The following DMBT1 variants were observed in gnomAD, a reference collection of about 807,000 sequenced individuals.
The protein encoded by DMBT1 is deleted in malignant brain tumors 1, also known as scavenger receptor cysteine-rich domain-containing protein DMBT1.
In DMBT1, 198 loss-of-function variants were observed where a neutral mutation model predicts 252.9. That is an observed-to-expected ratio of 0.78 (90% CI 0.70 to 0.88). The LOEUF (loss-of-function observed/expected upper bound fraction) is 0.88. Among genes scored for constraint, DMBT1 ranks in the 40% least tolerant of loss-of-function variants. The pLI is 0.00. For synonymous variants in DMBT1, 990 were observed against 942.7 expected, an observed-to-expected ratio of 1.05 and a Z score of -0.92; for missense variants, 2,432 against 2,404.7, an observed-to-expected ratio of 1.01 and a Z score of -0.24.
chr10:122,629,155 T>G (rs190209407), intron 46 of DMBT1, among the ~76,000 whole-genome samples: 134 of 152,298 alleles, frequency 8.8e-4, no homozygotes, highest in African/African-American at 2.8e-3. Flanking sequence ...CTCTAAGAGT[T>G]TATATAGACA....
At chr10:122,591,103 G>A (rs115566037) in intron 18 of DMBT1, among the ~76,000 whole-genome samples, 2,105 of 148,604 alleles carry the variant, frequency 0.014, 110 homozygotes, top group African/African-American at 0.049. Flanking sequence ...GCCTCCACTT[G>A]CCAGGAGACT....
At chr10:122,574,196 C>T (rs914503745) in intron 6 of DMBT1, among the ~76,000 whole-genome samples, 121 of 152,304 alleles carry the variant, frequency 7.9e-4, no homozygotes, top group African/African-American at 2.9e-3. Flanking sequence ...CTATATTATG[C>T]CACCCTTGTT....
chr10:122,566,749 C>G (rs1448486653), intron 2 of DMBT1, among the ~76,000 whole-genome samples: 1 of 152,176 alleles, frequency 6.6e-6, no homozygotes, highest in Non-Finnish European at 1.5e-5. Context: ...AAAATACCAC[C>G]TGGCACCTAA....
chr10:122,580,823 T>A, intron 10 of DMBT1, 43 bp from the exon 11 acceptor site: 1 of 1,613,672 alleles, frequency 6.2e-7, no homozygotes, highest in South Asian at 1.1e-5. Context: ...TGCCGACTTC[T>A]GTGTAATGTT....
At chr10:122,570,770 A>G (rs770235733) in intron 3 of DMBT1, 120 bp from the exon 4 acceptor site, 62 of 1,265,742 alleles carry the variant, frequency 4.9e-5, no homozygotes, top group Non-Finnish European at 2.9e-5. Flanking sequence ...GCTTTTAGCA[A>G]TGGAGGTTGC....
intron 52 of DMBT1, among the ~76,000 whole-genome samples, chr10:122,635,585 C>CT (rs2098220118): frequency 6.6e-6 from 1 of 152,190 alleles, no homozygotes; most frequent in African/African-American, 2.4e-5. Flanking sequence ...GGGCCTCACT[C>CT]TGTCGCCCAA....
chr10:122,574,600 G>A (rs1251401850), intron 6 of DMBT1, among the ~76,000 whole-genome samples: 2 of 152,198 alleles, frequency 1.3e-5, no homozygotes, highest in Non-Finnish European at 2.9e-5. Flanking sequence ...TGAAGTGAGG[G>A]TGAGACTGGC....
chr10:122,573,779 G>C lies in DMBT1; in HGVS notation c.283+17G>C. ...TAGCAGAAGGTAACGTCTACTATGGGGGATCCCTGTAGGCTCATTACCCCC... is the reference window on the plus strand; with the variant it reads ...TAGCAGAAGGTAACGTCTACTATGGCGGATCCCTGTAGGCTCATTACCCCC... On this transcript the variant is annotated intron_variant, in intron 6 of 55. Coordinates refer to ENST00000338354, the MANE Select transcript of DMBT1 (RefSeq NM_001377530.1). The C allele has an allele frequency of 6.2e-7, 1 of 1,612,834 alleles. No individual in the cohort carries two copies.
intron 1 of DMBT1, among the ~76,000 whole-genome samples, chr10:122,563,935 T>C (rs1032174215): frequency 3.3e-5 from 5 of 152,148 alleles, no homozygotes; most frequent in Admixed American, 6.5e-5. Context: ...AATGGAAGGC[T>C]CTCTTAGGCA....
intron 46 of DMBT1, among the ~76,000 whole-genome samples, chr10:122,628,500 G>A (rs1033125022): frequency 2.0e-5 from 3 of 152,100 alleles, no homozygotes; most frequent in South Asian, 2.1e-4. Context: ...GCTGGGCATA[G>A]TGGTGGGCGG....
chr10:122,576,074 G>T (rs544003817), intron 6 of DMBT1, among the ~76,000 whole-genome samples: 7 of 152,308 alleles, frequency 4.6e-5, no homozygotes, highest in South Asian at 4.2e-4. Flanking sequence ...GTGGGGTGTT[G>T]TGTGTCCCCT....
intron 8 of DMBT1, 102 bp downstream of exon 8, chr10:122,577,942 G>A: frequency 7.5e-7 from 1 of 1,324,632 alleles, no homozygotes; most frequent in Non-Finnish European, 1.1e-6. Flanking sequence ...GATACTCTGG[G>A]GCATATTATT....
intron 2 of DMBT1, 62 bp from the exon 3 acceptor site, chr10:122,570,100 A>G (rs2097647353): frequency 6.2e-6 from 9 of 1,453,910 alleles, no homozygotes; most frequent in Non-Finnish European, 8.7e-6. Context: ...TGAGGAAGCC[A>G]GGGACCAGCC....
At chr10:122,617,196 A>T (rs2097994643) in intron 39 of DMBT1, 32 bp from the exon 40 acceptor site, 1 of 1,605,206 alleles carries the variant, frequency 6.2e-7, no homozygotes, top group Non-Finnish European at 8.5e-7. Context: ...TTCAAGTCTA[A>T]TTCTGTCTTT....
intron 26 of DMBT1, 102 bp from the exon 27 acceptor site, chr10:122,599,962 A>G: frequency 6.7e-7 from 1 of 1,488,786 alleles, no homozygotes; most frequent in Non-Finnish European, 9.3e-7. Flanking sequence ...AGGAACTAGG[A>G]TGGACTGAGT....
Position 122,592,511 on chromosome 10 carries a change from G to C in DMBT1, c.2416G>C (p.Glu806Gln), listed in dbSNP as rs370127001. ...GGATGATGTGCGCTGCTCAGGACAC[G>C]AGTCCTACCTGTGGAGCTGCCCCCA... ...VLDDVRCSGH[E>Q]SYLWSCPHNG... Residue 806 changes from glutamate to glutamine, a missense_variant, in exon 20 of 56, where the codon GAG becomes CAG. Glu to Gln is a conservative substitution (Grantham distance 29). Transcript: ENST00000338354. The C allele has an allele frequency of 6.3e-7, 1 of 1,588,136 alleles. No homozygotes were observed. The highest frequency in any genetic ancestry group is 2.3e-5 in the East Asian group (1 of 42,686).
rs550777735 is a variant in DMBT1, at chr10:122,618,029, C to G, written c.4904C>G (p.Thr1635Ser). Residue 1635 changes from threonine (T) to serine (S), a missense_variant, in exon 41 of 56, where the codon ACT becomes AGT. Coordinates refer to ENST00000338354, the MANE Select transcript of DMBT1 (RefSeq NM_001377530.1). ...TGTTCCCCTGTAGGATCTGAATCCA[C>G]TTTGGCCCTGAGACTGGTGAATGGA... ...SRASTAGSES[T>S]LALRLVNGGD... 7.1e-5 allele frequency: 114 copies of G among 1,612,976 alleles called. No homozygotes were observed. The African/African-American group carries it at 1.2e-3, about 17-fold the overall frequency.
At chr10:122,592,182 G>C (rs1200316378) in intron 19 of DMBT1, 90 bp from the exon 20 acceptor site, 1 of 1,532,820 alleles carries the variant, frequency 6.5e-7, no homozygotes, top group Non-Finnish European at 8.8e-7. Flanking sequence ...AGGCGACCTT[G>C]GCCATTAGGA....
intron 41 of DMBT1, among the ~76,000 whole-genome samples, 184 bp from the exon 42 acceptor site, chr10:122,619,124 G>C (rs2098035011): frequency 6.6e-6 from 1 of 152,220 alleles, no homozygotes; most frequent in Non-Finnish European, 1.5e-5. Flanking sequence ...ATAGTGGCCA[G>C]GATCTGCCTG....
Sources: gnomAD v4.1 joint callset for allele counts (sites outside exome capture counted in the v4.1 genomes callset) on GRCh38, gnomAD v4.1.1 for gene constraint, MANE v1.5 for transcripts, NCBI Gene and HGNC (gene_info 2026-07-23, HGNC 2026-07-21) for gene names.